Variants in NELL2 observed in about 807,000 individuals in gnomAD.
NELL2 encodes neural EGFL like 2.
NELL2 carries 41 observed loss-of-function variants against 109.6 expected under a neutral mutation model. That is an observed-to-expected ratio of 0.37 (90% CI 0.29 to 0.49). The LOEUF is 0.49. NELL2 is among the 20% of genes least tolerant of loss of function. NELL2 has a pLI of 0.98. For synonymous variants in NELL2, 355 were observed against 344.7 expected (o/e 1.03, Z -0.33); for missense variants, 900 against 1,008.3 (o/e 0.89, Z 1.45).
rs1939326656 is a variant in NELL2, at chr12:44,730,760, GA to G, written c.995-16020del. Reference sequence around the variant, plus strand: ...CTAATTTCAAAGTTAACAGAAGGAAGAAAATAATAAAGATTAGAGCAGAAAG... The same window carrying G: ...CTAATTTCAAAGTTAACAGAAGGAAGAAATAATAAAGATTAGAGCAGAAAG... On this transcript the variant is annotated intron_variant, in intron 9 of 19. Coordinates refer to ENST00000429094, the MANE Select transcript of NELL2 (RefSeq NM_001145108.2). 4.0e-5 allele frequency among the ~76,000 whole-genome samples: 6 copies of G among 151,740 alleles called. No homozygotes were observed. In the South Asian group the frequency reaches 1.2e-3, roughly 32 times the overall value.
At chr12:44,565,178 C>T (rs1163136273) in intron 15 of NELL2, among the ~76,000 whole-genome samples, 1 of 152,058 alleles carries the variant, frequency 6.6e-6, no homozygotes, top group African/African-American at 2.4e-5. Flanking sequence ...AACATTCTTC[C>T]TCAGATCTGT....
At chr12:44,689,413 C>T (rs1448591291) in intron 12 of NELL2, among the ~76,000 whole-genome samples, 1 of 152,090 alleles carries the variant, frequency 6.6e-6, no homozygotes, top group Admixed American at 6.6e-5. Context: ...TGTTCTTTAG[C>T]CCATAGGTTC....
At chr12:44,781,192 GA>G (rs1005214550) in intron 3 of NELL2, among the ~76,000 whole-genome samples, 2 of 150,934 alleles carry the variant, frequency 1.3e-5, no homozygotes, top group South Asian at 2.1e-4. Context: ...AGAAAAATGG[GA>G]AAAAAAATTT....
Position 44,899,403 on chromosome 12 carries a change from A to G in NELL2, c.38+14396T>C, listed in dbSNP as rs183418030. Among the ~76,000 whole-genome samples, 58 of 152,344 alleles carry G rather than the reference A, an allele frequency of 3.8e-4. 1 individual carries two copies. Among genetic ancestry groups the G allele is most frequent in the Admixed American group, 1.4e-3 (22 of 15,308 alleles). ...CCACAAAGGGAAGCACATCAGACAT[A>G]CAGAGGATCCCTCTGCAGAAACCCT... On this transcript the variant is annotated intron_variant, in intron 1 of 20. Coordinates refer to the NELL2 transcript ENST00000333837.
intron 2 of NELL2, among the ~76,000 whole-genome samples, chr12:44,835,189 C>T (rs1944015288): frequency 6.6e-6 from 1 of 152,130 alleles, no homozygotes; most frequent in Non-Finnish European, 1.5e-5. Context: ...GCAGGACAGT[C>T]ATTAGTCTCT....
intron 1 of NELL2, among the ~76,000 whole-genome samples, chr12:44,908,280 G>T (rs1945741874): frequency 6.6e-6 from 1 of 151,984 alleles, no homozygotes; most frequent in African/African-American, 2.4e-5. Context: ...TTTCATTGAG[G>T]AATAGAGGGT....
intron 15 of NELL2, among the ~76,000 whole-genome samples, chr12:44,537,717 A>T (rs1942360525): frequency 6.6e-6 from 1 of 152,100 alleles, no homozygotes; most frequent in Non-Finnish European, 1.5e-5. Flanking sequence ...TTTTTTAATC[A>T]AAAGGTCACT....
At chr12:44,854,700 A>C (rs940975301) in intron 2 of NELL2, among the ~76,000 whole-genome samples, 1 of 135,456 alleles carries the variant, frequency 7.4e-6, no homozygotes, top group Non-Finnish European at 1.6e-5. Flanking sequence ...GGATGGGTGG[A>C]TGGATGGGTG....
chr12:44,672,059 A>G (rs777868968), intron 12 of NELL2, among the ~76,000 whole-genome samples: 1 of 152,234 alleles, frequency 6.6e-6, no homozygotes, highest in Non-Finnish European at 1.5e-5. Flanking sequence ...GTGAGAGATG[A>G]TAGTTCCTGG....
intron 15 of NELL2, among the ~76,000 whole-genome samples, chr12:44,570,709 A>T (rs571467783): frequency 3.3e-5 from 5 of 152,300 alleles, no homozygotes; most frequent in South Asian, 2.1e-4. Context: ...TTATCTTTTT[A>T]AAAAATATAA....
chr12:44,914,382 CT>C (rs1439679419), upstream of NELL2, among the ~76,000 whole-genome samples: 3 of 152,178 alleles, frequency 2.0e-5, no homozygotes, highest in Non-Finnish European at 2.9e-5. Flanking sequence ...GCCTGGAATG[CT>C]CTTCCTGCAG....
chr12:44,825,872 G>A (rs1466828383), intron 2 of NELL2, among the ~76,000 whole-genome samples: 12 of 151,340 alleles, frequency 7.9e-5, no homozygotes, highest in African/African-American at 7.3e-5. Flanking sequence ...GAGAAACCCC[G>A]TCTTTACCAA....
intron 9 of NELL2, among the ~76,000 whole-genome samples, chr12:44,719,557 T>C (rs948775530): frequency 1.3e-5 from 2 of 152,124 alleles, no homozygotes; most frequent in Non-Finnish European, 2.9e-5. Context: ...TAAAAATGAT[T>C]CCTTACAAAA....
At chr12:44,718,058 A>G (rs926418026) in intron 9 of NELL2, among the ~76,000 whole-genome samples, 1 of 152,202 alleles carries the variant, frequency 6.6e-6, no homozygotes, top group Non-Finnish European at 1.5e-5. Flanking sequence ...CGGAACACAG[A>G]AACAAAAGAT....
intron 15 of NELL2, among the ~76,000 whole-genome samples, chr12:44,550,911 T>C (rs1943022679): frequency 6.6e-6 from 1 of 152,172 alleles, no homozygotes; most frequent in Non-Finnish European, 1.5e-5. Context: ...GTTTCAGTTA[T>C]GCAAGATAAG....
At chr12:44,810,885 G>A (rs1411566122) in intron 3 of NELL2, among the ~76,000 whole-genome samples, 1 of 152,056 alleles carries the variant, frequency 6.6e-6, no homozygotes, top group Non-Finnish European at 1.5e-5. Flanking sequence ...GTTAAATTAT[G>A]TATTTGTTAC....
chr12:44,855,434 T>A (rs1348793457), intron 2 of NELL2, among the ~76,000 whole-genome samples: 2 of 152,230 alleles, frequency 1.3e-5, no homozygotes, highest in African/African-American at 2.4e-5. Context: ...TTTCTATACA[T>A]GACTGTCCTT....
In NELL2 at chr12:44,776,145, A is replaced by G. The variant is rs141434479; in HGVS notation, c.768T>C (p.Ser256=). ...DILAKTSAKL[S]RAEQRMNRLD... is the part of the protein sequence containing the mutation. ...ATCTATTCATTCGCTGTTCAGCTCG[A>G]GACAGCTGTGGCACAAAAGAACGGG... Residue 256 remains serine, a synonymous_variant, in exon 8 of 20, where the codon TCT becomes TCC. Transcript: ENST00000429094. The G allele has an allele frequency of 1.9e-5, 30 of 1,613,370 alleles. No homozygotes were observed. In the African/African-American group the frequency reaches 4.0e-4, roughly 22 times the overall value.
At chr12:44,896,196 A>C (rs1171114908) in intron 1 of NELL2, among the ~76,000 whole-genome samples, 5 of 152,198 alleles carry the variant, frequency 3.3e-5, no homozygotes, top group African/African-American at 1.2e-4. Flanking sequence ...GTGCCACTTT[A>C]CAAAAACTCA....
Sources: allele counts gnomAD v4.1 joint callset (sites outside exome capture counted in the v4.1 genomes callset), GRCh38; gene constraint gnomAD v4.1.1; transcripts MANE v1.5; gene names NCBI Gene and HGNC (gene_info 2026-07-23, HGNC 2026-07-21).